Variants in CNTN4 observed in about 807,000 individuals in gnomAD.
CNTN4 encodes contactin 4, also known as contactin-4.
Under a neutral mutation model 122.5 loss-of-function variants are expected in CNTN4, and 77 were observed. The ratio of observed to expected loss-of-function variants is 0.63; its 90% CI spans 0.52 to 0.76. CNTN4 has a LOEUF of 0.76. Ranked by LOEUF, CNTN4 falls within the 30% of genes least tolerant of loss-of-function variation. The probability of loss-of-function intolerance (pLI) is 0.00; values close to 1 mark genes in which losing one functional copy is unlikely to be tolerated. For missense variants in CNTN4, 1,256 were observed against 1,259.1 expected (o/e 1.00, Z 0.04); for synonymous variants, 512 against 447.0 (o/e 1.15, Z -1.83).
In CNTN4 at chr3:2,932,461, G is replaced by A. The variant is rs374569367; in HGVS notation, c.1358+6682G>A. ...TAAAAATTCTGATATGGGCCTCATT[G>A]GTCTAAAATCAAGGCTTCAGCAGAG... On this transcript the variant is annotated intron_variant, in intron 13 of 24. Coordinates refer to ENST00000418658, the MANE Select transcript of CNTN4 (RefSeq NM_175607.3). 3.9e-5 allele frequency among the ~76,000 whole-genome samples: 6 copies of A among 152,270 alleles called. No homozygotes were observed. In the East Asian group the frequency reaches 1.2e-3, roughly 29 times the overall value.
At position 2,982,979 on chromosome 3, in the gene CNTN4, G is replaced by GC. The variant is rs376930116; in HGVS notation, c.1359-5365dup. Among the ~76,000 whole-genome samples, 283 of 152,050 alleles carry GC rather than the reference G, an allele frequency of 1.9e-3. 1 individual carries two copies. The highest frequency in any genetic ancestry group is 4.5e-3 in the Admixed American group (68 of 15,272). On this transcript the variant is annotated intron_variant, in intron 13 of 24. Coordinates refer to ENST00000418658, the MANE Select transcript of CNTN4 (RefSeq NM_175607.3). The stretch of plus-strand genomic sequence containing the variant: ...GCCTGTAATCCCAGCACTTTGGGAG[G>GC]CGAGGCGGGCGGATCACGAGGTCAG...
intron 4 of CNTN4, among the ~76,000 whole-genome samples, chr3:2,694,681 G>A (rs556642985): frequency 2.4e-4 from 36 of 152,208 alleles, no homozygotes; most frequent in Non-Finnish European, 4.7e-4. Context: ...GTGAGCTAAG[G>A]TCGTGCCACC....
intron 4 of CNTN4, among the ~76,000 whole-genome samples, chr3:2,721,721 C>T (rs7434142): frequency 0.16 from 24,766 of 151,992 alleles, 2,086 homozygotes; most frequent in South Asian, 0.2. Flanking sequence ...CAGGGTTTGC[C>T]TGCTCACCTC....
intron 2 of CNTN4, among the ~76,000 whole-genome samples, chr3:2,254,174 A>G (rs1044736428): frequency 1.3e-5 from 2 of 152,026 alleles, no homozygotes; most frequent in Non-Finnish European, 2.9e-5. Context: ...TTTGCTGAGA[A>G]TGATGGTTTC....
chr3:2,533,504 A>G (rs1398237046), intron 3 of CNTN4, among the ~76,000 whole-genome samples: 1 of 142,322 alleles, frequency 7.0e-6, no homozygotes, highest in African/African-American at 2.6e-5. Context: ...TAGGGTGTAT[A>G]TGTACCACAT....
intron 4 of CNTN4, 109 bp from the exon 5 acceptor site, chr3:2,736,106 C>A: frequency 8.8e-7 from 1 of 1,142,608 alleles, no homozygotes; most frequent in Non-Finnish European, 1.3e-6. Context: ...TTGTGCCTTA[C>A]TATTTTTTGT....
intron 2 of CNTN4, among the ~76,000 whole-genome samples, chr3:2,216,903 AC>A (rs1383744460): frequency 6.6e-6 from 1 of 152,088 alleles, no homozygotes; most frequent in African/African-American, 2.4e-5. Context: ...GCTGCAATCC[AC>A]TACCCTTTAG....
intron 2 of CNTN4, among the ~76,000 whole-genome samples, chr3:2,218,888 C>A (rs1293966397): frequency 6.6e-6 from 1 of 152,154 alleles, no homozygotes; most frequent in Non-Finnish European, 1.5e-5. Context: ...AATGTGTCAT[C>A]TTCCTTTCTA....
intron 3 of CNTN4, among the ~76,000 whole-genome samples, chr3:2,520,352 A>C (rs2077168135): frequency 7.0e-6 from 1 of 142,076 alleles, no homozygotes; most frequent in South Asian, 2.2e-4. Context: ...GGTTCACTGC[A>C]ACATTCACCA....
intron 2 of CNTN4, among the ~76,000 whole-genome samples, chr3:2,249,426 A>G (rs1405116240): frequency 2.0e-5 from 3 of 151,980 alleles, no homozygotes; most frequent in Non-Finnish European, 2.9e-5. Flanking sequence ...TCATGACTAG[A>G]AAGTGTACTT....
rs576608039 is a variant in CNTN4 at position 2,557,087 on chromosome 3, C to G, written c.-88-14329C>G. On this transcript the variant is annotated intron_variant, in intron 3 of 24. Transcript: ENST00000418658. ...CAGATCTCTGAAATAGCGTCAGTCTCAAAATTCATGTTATCACTAATTAGG... is the reference window on the plus strand; with the variant it reads ...CAGATCTCTGAAATAGCGTCAGTCTGAAAATTCATGTTATCACTAATTAGG... Among the ~76,000 whole-genome samples, 16 of 152,290 alleles carry G rather than the reference C, an allele frequency of 1.1e-4. 1 individual carries two copies. The highest frequency in any genetic ancestry group is 2.1e-4 in the South Asian group (1 of 4,824).
intron 2 of CNTN4, among the ~76,000 whole-genome samples, chr3:2,245,568 A>G (rs2040113425): frequency 6.6e-6 from 1 of 152,096 alleles, no homozygotes; most frequent in African/African-American, 2.4e-5. Context: ...CTTCAGAAGT[A>G]TAGACATTGA....
intron 2 of CNTN4, among the ~76,000 whole-genome samples, chr3:2,130,159 G>A (rs1231362669): frequency 6.6e-6 from 1 of 152,082 alleles, no homozygotes; most frequent in Non-Finnish European, 1.5e-5. Flanking sequence ...ATGGGGGTTT[G>A]CACACTTTTG....
At chr3:2,403,995 C>G (rs758755509) in intron 3 of CNTN4, among the ~76,000 whole-genome samples, 14 of 152,158 alleles carry the variant, frequency 9.2e-5, no homozygotes, top group East Asian at 5.8e-4. Flanking sequence ...AATACTTTCT[C>G]AATTTCTTCA....
chr3:2,257,234 A>G (rs1178483), intron 2 of CNTN4, among the ~76,000 whole-genome samples: 35,967 of 152,022 alleles, frequency 0.24, 4,553 homozygotes, highest in African/African-American at 0.33. Context: ...CTGGCTAGCC[A>G]TAGGCAGAAA....
intron 2 of CNTN4, among the ~76,000 whole-genome samples, chr3:2,291,928 G>T (rs140581766): frequency 0.016 from 2,449 of 152,026 alleles, 67 homozygotes; most frequent in African/African-American, 0.056. Flanking sequence ...TGGAGATGGG[G>T]TTTCACCATA....
chr3:2,224,490 C>T (rs2039190031), intron 2 of CNTN4, among the ~76,000 whole-genome samples: 1 of 152,078 alleles, frequency 6.6e-6, no homozygotes, highest in Non-Finnish European at 1.5e-5. Flanking sequence ...CAAATTCTAC[C>T]TGGGTCCTTT....
At chr3:2,104,639 A>T (rs982751892) in intron 2 of CNTN4, among the ~76,000 whole-genome samples, 1 of 152,204 alleles carries the variant, frequency 6.6e-6, no homozygotes, top group Non-Finnish European at 1.5e-5. Flanking sequence ...AGTGGTTGTC[A>T]TGACTTCTGC....
intron 3 of CNTN4, among the ~76,000 whole-genome samples, chr3:2,367,439 A>G (rs1447175816): frequency 6.6e-6 from 1 of 152,246 alleles, no homozygotes. Context: ...AATCTTAATT[A>G]TAGTTACGGT....
Sources: allele counts gnomAD v4.1 joint callset (sites outside exome capture counted in the v4.1 genomes callset), GRCh38; gene constraint gnomAD v4.1.1; transcripts MANE v1.5; gene names NCBI Gene and HGNC (gene_info 2026-07-23, HGNC 2026-07-21).